FARS2: variants seen among roughly 807,000 people sequenced by gnomAD.
The protein encoded by FARS2 is phenylalanine--tRNA ligase, mitochondrial.
Under a neutral mutation model 46.4 loss-of-function variants are expected in FARS2, and 40 were observed. That is an observed-to-expected ratio of 0.86 (90% CI 0.67 to 1.12). The LOEUF (loss-of-function observed/expected upper bound fraction) is 1.12. FARS2 is among the 50% of genes most tolerant of loss of function. The pLI, the probability that FARS2 is intolerant of heterozygous loss-of-function variation, is 0.00. For synonymous variants in FARS2, 234 were observed against 214.9 expected, an observed-to-expected ratio of 1.09 and a Z score of -0.78; for missense variants, 513 against 567.9, an observed-to-expected ratio of 0.90 and a Z score of 0.98.
intron 1 of FARS2, among the ~76,000 whole-genome samples, chr6:5,262,366 C>T (rs376968372): frequency 3.3e-5 from 5 of 152,216 alleles, no homozygotes; most frequent in South Asian, 4.2e-4. Flanking sequence ...GCAACCTATG[C>T]CTCCCAGGTT....
intron 6 of FARS2, among the ~76,000 whole-genome samples, chr6:5,706,903 C>T (rs941799458): frequency 5.9e-5 from 9 of 152,210 alleles, no homozygotes; most frequent in African/African-American, 2.2e-4. Flanking sequence ...TGATGGGGCT[C>T]CTGTTGTTTC....
chr6:5,356,575 T>G (rs1038891478), intron 1 of FARS2, among the ~76,000 whole-genome samples: 1 of 152,102 alleles, frequency 6.6e-6, no homozygotes, highest in Non-Finnish European at 1.5e-5. Context: ...AAAACATGTA[T>G]GTTAAGAGCT....
At chr6:5,454,507 G>T (rs537635261) in intron 4 of FARS2, among the ~76,000 whole-genome samples, 6 of 151,988 alleles carry the variant, frequency 3.9e-5, no homozygotes, top group Non-Finnish European at 5.9e-5. Flanking sequence ...ACCATGCCCG[G>T]CTAATTTTTT....
intron 6 of FARS2, among the ~76,000 whole-genome samples, chr6:5,626,433 G>T (rs1363685371): frequency 6.6e-6 from 1 of 152,112 alleles, no homozygotes; most frequent in Non-Finnish European, 1.5e-5. Context: ...CTCCCATTGG[G>T]CCCCCAGGGG....
At chr6:5,254,180 C>T in the FARS2 span, among the ~76,000 whole-genome samples, 1 of 152,236 alleles carries the variant, frequency 6.6e-6, no homozygotes, top group Admixed American at 6.5e-5. Context: ...CAACTGTCTC[C>T]ATAATGACCC....
chr6:5,278,468 A>C (rs72815603), intron 1 of FARS2, among the ~76,000 whole-genome samples: 18,269 of 152,118 alleles, frequency 0.12, 1,384 homozygotes, highest in Non-Finnish European at 0.16. Flanking sequence ...AAACGAAGGG[A>C]TTTTTACACA....
Position 5,562,695 on chromosome 6 carries a change from T to TACACACACACACACACACAC in FARS2, c.1065+17369_1065+17388dup, listed in dbSNP as rs35980009. Among the ~76,000 whole-genome samples the TACACACACACACACACACAC allele has an allele frequency of 1.6e-3, 218 of 135,762 alleles. 2 individuals are homozygous for TACACACACACACACACACAC. The highest frequency in any genetic ancestry group is 5.0e-3 in the South Asian group (22 of 4,364). The allele number at this position is 135,762 out of a possible 152,430, so 89.1% of individuals were successfully genotyped here. ...ACAACCTTGACTCCACTGTAATTTA[T>TACACACACACACACACACAC]ACACACACACACACACACACACACA... On this transcript the variant is annotated intron_variant, in intron 5 of 6. Coordinates refer to ENST00000274680, the MANE Select transcript of FARS2 (RefSeq NM_006567.5).
intron 2 of FARS2, among the ~76,000 whole-genome samples, chr6:5,400,019 G>A (rs1761160754): frequency 6.6e-6 from 1 of 152,168 alleles, no homozygotes. Context: ...CAACAAATAT[G>A]TAGTTTTGTT....
At chr6:5,251,560 A>C in the FARS2 span, among the ~76,000 whole-genome samples, 11 of 152,290 alleles carry the variant, frequency 7.2e-5, no homozygotes, top group East Asian at 1.9e-3. Flanking sequence ...ATACTTTAAA[A>C]CAACCGGATC....
intron 5 of FARS2, among the ~76,000 whole-genome samples, chr6:5,610,876 A>G (rs1459395041): frequency 6.6e-6 from 1 of 152,186 alleles, no homozygotes; most frequent in Non-Finnish European, 1.5e-5. Context: ...CAATCCAGGG[A>G]TGGAGGCAAC....
intron 4 of FARS2, among the ~76,000 whole-genome samples, chr6:5,510,412 C>G (rs1768369945): frequency 6.7e-6 from 1 of 149,312 alleles, no homozygotes; most frequent in African/African-American, 2.5e-5. Flanking sequence ...GGAGCTGAAG[C>G]AGCCTCTCCC....
intron 5 of FARS2, among the ~76,000 whole-genome samples, chr6:5,576,585 TAC>T (rs1582487785): frequency 1.4e-5 from 2 of 147,350 alleles, no homozygotes; most frequent in East Asian, 3.9e-4. Context: ...CTATGATATA[TAC>T]TCTATATATG....
chr6:5,398,113 C>G (rs1562011097), intron 2 of FARS2, among the ~76,000 whole-genome samples: 2 of 152,056 alleles, frequency 1.3e-5, no homozygotes, highest in Non-Finnish European at 2.9e-5. Flanking sequence ...TTATTTTCCC[C>G]TTTGTAGTTA....
intron 4 of FARS2, among the ~76,000 whole-genome samples, chr6:5,543,597 G>A (rs1770768051): frequency 6.6e-6 from 1 of 152,076 alleles, no homozygotes; most frequent in Non-Finnish European, 1.5e-5. Context: ...TCCTGACCTC[G>A]TGATCTGCCA....
chr6:5,763,776 T>G (rs1039740724), intron 6 of FARS2, among the ~76,000 whole-genome samples: 4 of 151,618 alleles, frequency 2.6e-5, no homozygotes, highest in Non-Finnish European at 4.4e-5. Context: ...TGGTTTTTTT[T>G]TTTTTTTTTT....
intron 5 of FARS2, among the ~76,000 whole-genome samples, chr6:5,603,745 A>G (rs1011827931): frequency 4.6e-5 from 7 of 152,198 alleles, no homozygotes; most frequent in Admixed American, 1.3e-4. Context: ...GTCCACTCCA[A>G]TGATTTCATT....
At position 5,431,114 on chromosome 6, in the gene FARS2, T is replaced by A. The variant is rs764139130; in HGVS notation, c.846T>A (p.His282Gln). Residue 282 changes from histidine (H) to glutamine (Q), a missense_variant, in exon 4 of 7, where the codon CAT (histidine) becomes CAA (glutamine). By Grantham distance (24) the His-to-Gln change is conservative (BLOSUM62 0). Coordinates refer to ENST00000274680, the MANE Select transcript of FARS2 (RefSeq NM_006567.5). ...CCTTTGAGATGGAGATCAACTTTCA[T>A]GGAGAATGGCTGGAAGTTCTTGGCT... ...HPSFEMEINF[H>Q]GEWLEVLGCG... 1 of 1,613,918 alleles carries A rather than the reference T, an allele frequency of 6.2e-7. No homozygotes were observed. The highest frequency in any genetic ancestry group is 1.3e-5 in the African/African-American group (1 of 74,928).
chr6:5,432,878 A>C lies in FARS2; in HGVS notation c.904+1706A>C, dbSNP rs996259699. On this transcript the variant is annotated intron_variant, in intron 4 of 6. Coordinates refer to ENST00000274680, the MANE Select transcript of FARS2 (RefSeq NM_006567.5). Reference sequence around the variant, plus strand: ...CGAGACAGGGTGCATGAAGTGCAGGAGCTTGTGTTACCTCGGCTGGGAGAC... The same window carrying C: ...CGAGACAGGGTGCATGAAGTGCAGGCGCTTGTGTTACCTCGGCTGGGAGAC... Among the ~76,000 whole-genome samples the C allele has an allele frequency of 6.6e-5, 10 of 152,256 alleles. No individual in the cohort carries two copies. In the South Asian group the frequency reaches 2.1e-3, roughly 32 times the overall value.
At chr6:5,404,791 A>G in intron 3 of FARS2, 90 bp downstream of exon 3, 2 of 826,966 alleles carry the variant, frequency 2.4e-6, no homozygotes, top group South Asian at 6.1e-5. Context: ...TTTTTTTCAT[A>G]TTTTGAAATT....
Sources: gnomAD v4.1 joint callset for allele counts (sites outside exome capture counted in the v4.1 genomes callset) on GRCh38, gnomAD v4.1.1 for gene constraint, MANE v1.5 for transcripts, NCBI Gene and HGNC (gene_info 2026-07-23, HGNC 2026-07-21) for gene names.